Variants in TAOK3 observed in about 807,000 individuals in gnomAD.
TAOK3 encodes TAO kinase 3.
Under a neutral mutation model 120.4 loss-of-function variants are expected in TAOK3, and 40 were observed. The ratio of observed to expected loss-of-function variants is 0.33; its 90% confidence interval spans 0.26 to 0.43. TAOK3 has a LOEUF of 0.43. TAOK3 is among the 20% of genes least tolerant of loss of function. The pLI is 1.00. For missense variants in TAOK3, 821 were observed against 1,112.1 expected, an observed-to-expected ratio of 0.74 and a Z score of 3.72; for synonymous variants, 355 against 387.5, an observed-to-expected ratio of 0.92 and a Z score of 0.99.
chr12:118,151,284 C>CGT (rs1566213308), intron 20 of TAOK3, 126 bp from the exon 21 acceptor site: 12 of 568,974 alleles, frequency 2.1e-5, no homozygotes, highest in African/African-American at 3.8e-5. Flanking sequence ...GAAGTGCGCG[C>CGT]GCGCGCACAC....
chr12:118,221,411 A>G (rs1002264380), intron 9 of TAOK3, among the ~76,000 whole-genome samples: 7 of 151,734 alleles, frequency 4.6e-5, no homozygotes, highest in Non-Finnish European at 7.4e-5. Flanking sequence ...TTTAGTAGAG[A>G]TAGGGTTTCT....
chr12:118,317,607 T>TC (rs398021272), intron 1 of TAOK3, among the ~76,000 whole-genome samples: 1 of 150,888 alleles, frequency 6.6e-6, no homozygotes, highest in Non-Finnish European at 1.5e-5. Context: ...CAGAAATTTT[T>TC]AAAGACCTAA....
At chr12:118,230,167 T>C (rs933540049) in intron 9 of TAOK3, among the ~76,000 whole-genome samples, 1 of 152,226 alleles carries the variant, frequency 6.6e-6, no homozygotes, top group East Asian at 1.9e-4. Context: ...TAGCTAGGAA[T>C]CCAGTTTTAG....
At chr12:118,354,393 T>C (rs530447198) in intron 1 of TAOK3, among the ~76,000 whole-genome samples, 1 of 152,332 alleles carries the variant, frequency 6.6e-6, no homozygotes, top group East Asian at 1.9e-4. Context: ...GATAAAGGGA[T>C]AATTCATTTC....
chr12:118,195,105 A>AAT (rs1229922319), intron 13 of TAOK3, among the ~76,000 whole-genome samples: 1 of 152,118 alleles, frequency 6.6e-6, no homozygotes, highest in Non-Finnish European at 1.5e-5. Context: ...TTATAGAATG[A>AAT]AGTGTTGTCC....
At chr12:118,255,936 TA>T (rs2040964041) in intron 2 of TAOK3, 1 of 155,276 alleles carries the variant, frequency 6.4e-6, no homozygotes, top group African/African-American at 2.4e-5. Flanking sequence ...TACAAAAAAT[TA>T]GCCAGGCGTG....
intron 5 of TAOK3, 31 bp from the exon 6 acceptor site, chr12:118,239,303 A>G (rs1168703026): frequency 7.6e-7 from 1 of 1,317,764 alleles, no homozygotes. Context: ...ATTCAGAATA[A>G]TGAAAGTTAA....
chr12:118,256,986 A>G (rs1391415449), intron 2 of TAOK3, among the ~76,000 whole-genome samples: 1 of 152,224 alleles, frequency 6.6e-6, no homozygotes, highest in African/African-American at 2.4e-5. Context: ...GTATTTATTA[A>G]TCGATACTAT....
chr12:118,370,863 T>C (rs766952043), intron 1 of TAOK3, among the ~76,000 whole-genome samples: 2 of 152,156 alleles, frequency 1.3e-5, no homozygotes, highest in Non-Finnish European at 2.9e-5. Flanking sequence ...GGACACACAG[T>C]GTCTGGTTTA....
rs185342697 is a variant in TAOK3 at position 118,207,471 on chromosome 12, T to C, written c.819+5443A>G. Among the ~76,000 whole-genome samples the C allele has an allele frequency of 4.6e-5, 7 of 152,292 alleles. No individual in the cohort carries two copies. In the East Asian group the frequency reaches 1.3e-3, roughly 29 times the overall value. On this transcript the variant is annotated intron_variant, in intron 11 of 20. Coordinates refer to ENST00000392533, the MANE Select transcript of TAOK3 (RefSeq NM_016281.4). ...ATGAATAACTAGAAATCATTTTACA[T>C]GGGAATCTGATTATACAAGCTAATT... is the stretch of plus-strand genomic sequence containing the variant.
At chr12:118,314,096 A>G (rs1239454353) in intron 1 of TAOK3, among the ~76,000 whole-genome samples, 3 of 152,178 alleles carry the variant, frequency 2.0e-5, no homozygotes, top group Admixed American at 6.5e-5. Flanking sequence ...CACACTACCT[A>G]TGTATCTTCT....
intron 5 of TAOK3, among the ~76,000 whole-genome samples, chr12:118,242,248 G>T (rs1473627390): frequency 6.6e-6 from 1 of 152,144 alleles, no homozygotes; most frequent in Non-Finnish European, 1.5e-5. Flanking sequence ...GATTGCCAGA[G>T]AACTGATTTC....
intron 3 of TAOK3, among the ~76,000 whole-genome samples, chr12:118,252,395 A>C (rs1003333846): frequency 3.3e-5 from 5 of 152,124 alleles, no homozygotes; most frequent in African/African-American, 1.2e-4. Flanking sequence ...TCACCATAAA[A>C]ATCAGAATGG....
In TAOK3 at chr12:118,151,117, C is replaced by CT; in HGVS notation, c.2576dup (p.Arg860GlufsTer14). 6.2e-7 allele frequency: 1 copy of CT among 1,613,864 alleles called. No individual in the cohort carries two copies. The highest frequency in any genetic ancestry group is 8.5e-7 in the Non-Finnish European group (1 of 1,180,028). ...GCCTTTCCAATAGGTTCTTTATTCT[C>CT]TCGCTGCGTTCCTTCTGAAGGGCAG... On this transcript the variant is annotated frameshift_variant, in exon 21 of 21. Transcript: ENST00000392533. LOFTEE classifies it high-confidence loss of function.
intron 1 of TAOK3, among the ~76,000 whole-genome samples, chr12:118,275,731 G>A (rs918991378): frequency 6.6e-6 from 1 of 152,080 alleles, no homozygotes; most frequent in Non-Finnish European, 1.5e-5. Flanking sequence ...TTCTCATACA[G>A]CTTATATTCT....
At position 118,201,469 on chromosome 12, in the gene TAOK3, T is replaced by C. The variant is rs2038020617; in HGVS notation, c.820-6A>G. The C allele has an allele frequency of 6.3e-7, 1 of 1,599,956 alleles. No homozygotes were observed. The highest frequency in any genetic ancestry group is 1.3e-5 in the African/African-American group (1 of 74,408). On this transcript the variant is annotated splice_region_variant and splice_polypyrimidine_tract_variant and intron_variant, in intron 11 of 20. Transcript: ENST00000392533. ...TCTCGTCGAACAAAGTCATGCTGAT[T>C]GAGGGAGGAGGAAAAAATAAACTGA...
intron 19 of TAOK3, among the ~76,000 whole-genome samples, chr12:118,159,312 C>CTT (rs35332392): frequency 1.5e-5 from 2 of 132,114 alleles, no homozygotes; most frequent in African/African-American, 2.8e-5. Context: ...AAATCACTCA[C>CTT]TTTTTTTTTT....
chr12:118,370,380 A>G (rs1593728662), intron 1 of TAOK3, among the ~76,000 whole-genome samples: 1 of 152,358 alleles, frequency 6.6e-6, no homozygotes, highest in Middle Eastern at 3.4e-3. Context: ...TATTTAGGAA[A>G]TAATACAACA....
intron 1 of TAOK3, among the ~76,000 whole-genome samples, chr12:118,285,052 A>G (rs560321010): frequency 1.3e-5 from 2 of 151,582 alleles, no homozygotes; most frequent in East Asian, 3.9e-4. Flanking sequence ...ATGGGAATAT[A>G]TATTTTTAAA....
Sources: gnomAD v4.1 joint callset for allele counts (sites outside exome capture counted in the v4.1 genomes callset) on GRCh38, gnomAD v4.1.1 for gene constraint, MANE v1.5 for transcripts, NCBI Gene and HGNC (gene_info 2026-07-23, HGNC 2026-07-21) for gene names.